The following ARMH3 variants were observed in gnomAD, a reference collection of about 807,000 sequenced individuals.
ARMH3 encodes armadillo like helical domain containing 3, also known as armadillo-like helical domain-containing protein 3.
In ARMH3, 60 loss-of-function variants were observed where a neutral mutation model predicts 99.1. That is an observed-to-expected ratio of 0.61 (90% CI 0.49 to 0.75). The LOEUF is 0.75. ARMH3 is among the 30% of genes least tolerant of loss of function. The pLI is 0.00. For synonymous variants in ARMH3, 285 were observed against 292.8 expected (o/e 0.97, Z 0.27); for missense variants, 679 against 843.1 (o/e 0.81, Z 2.41).
At chr10:101,902,397 A>C (rs1342897542) in intron 23 of ARMH3, among the ~76,000 whole-genome samples, 1 of 152,164 alleles carries the variant, frequency 6.6e-6, no homozygotes, top group East Asian at 1.9e-4. Context: ...CTGTGTCCAG[A>C]AACCGATACA....
Position 102,023,476 on chromosome 10 carries a change from C to A in ARMH3, c.669+1G>T. 1 of 1,612,682 alleles carries A rather than the reference C, an allele frequency of 6.2e-7. No individual in the cohort carries two copies. Among genetic ancestry groups the A allele is most frequent in the Non-Finnish European group, 8.5e-7 (1 of 1,178,840 alleles). On this transcript the variant is annotated splice_donor_variant, in intron 8 of 25. Transcript: ENST00000370033. LOFTEE classifies it high-confidence loss of function. Reference sequence around the variant, plus strand: ...AACTGTCCACTAAGGAGCCCAGTTACCTCATATTTTCTATAGTTCACCAGC... The same window carrying A: ...AACTGTCCACTAAGGAGCCCAGTTAACTCATATTTTCTATAGTTCACCAGC...
intron 17 of ARMH3, among the ~76,000 whole-genome samples, chr10:101,993,128 G>A (rs148521999): frequency 6.6e-6 from 1 of 151,678 alleles, no homozygotes; most frequent in African/African-American, 2.4e-5. Flanking sequence ...AAAATTAGCC[G>A]AGCGTGGTGG....
In ARMH3 at chr10:101,973,528, C is replaced by T. The variant is rs528285275; in HGVS notation, c.1495+1684G>A. Among the ~76,000 whole-genome samples the T allele has an allele frequency of 2.0e-5, 3 of 151,986 alleles. No homozygotes were observed. In the East Asian group the frequency reaches 5.8e-4, roughly 29 times the overall value. On this transcript the variant is annotated intron_variant, in intron 20 of 25. Coordinates refer to ENST00000370033, the MANE Select transcript of ARMH3 (RefSeq NM_024541.3). ...CGATTCATCAAGAGAGCAGAGGATA[C>T]AAAATGGGGATAGGAGGAGAATAAC...
chr10:101,997,590 CAAA>C (rs59674976), intron 15 of ARMH3, among the ~76,000 whole-genome samples: 1 of 112,862 alleles, frequency 8.9e-6, no homozygotes, highest in Admixed American at 9.3e-5. Flanking sequence ...GACTCCGTCT[CAAA>C]AAAAAAAAAA....
At chr10:101,955,930 C>T (rs897670442) in intron 22 of ARMH3, among the ~76,000 whole-genome samples, 2 of 152,124 alleles carry the variant, frequency 1.3e-5, no homozygotes, top group African/African-American at 2.4e-5. Context: ...TTCAATAAAG[C>T]TAATAAATTT....
At chr10:101,888,793 C>A (rs1037576788) in intron 24 of ARMH3, among the ~76,000 whole-genome samples, 1 of 152,216 alleles carries the variant, frequency 6.6e-6, no homozygotes. Flanking sequence ...TCCCATGCCA[C>A]GCTAACGCCT....
intron 24 of ARMH3, among the ~76,000 whole-genome samples, chr10:101,876,268 A>AC (rs397790474): frequency 5.3e-5 from 8 of 151,056 alleles, no homozygotes; most frequent in East Asian, 1.9e-4. Flanking sequence ...AAAAAAAAAA[A>AC]CAACTTATTT....
chr10:101,861,204 A>C (rs2066858128), intron 24 of ARMH3, among the ~76,000 whole-genome samples: 1 of 152,220 alleles, frequency 6.6e-6, no homozygotes, highest in Non-Finnish European at 1.5e-5. Flanking sequence ...CAGCTAGAGA[A>C]AAAAAGACAC....
intron 1 of ARMH3, among the ~76,000 whole-genome samples, chr10:102,054,223 TAC>T (rs1055822253): frequency 5.3e-5 from 8 of 151,684 alleles, no homozygotes; most frequent in African/African-American, 1.9e-4. Flanking sequence ...ACTCCGTCAT[TAC>T]TAAAAACACA....
intron 15 of ARMH3, among the ~76,000 whole-genome samples, chr10:102,001,166 G>A (rs1311143710): frequency 6.6e-6 from 1 of 151,946 alleles, no homozygotes; most frequent in Non-Finnish European, 1.5e-5. Context: ...CAACTAAATA[G>A]TACATTTAAA....
chr10:101,942,091 A>AC (rs1230619235), intron 22 of ARMH3, among the ~76,000 whole-genome samples: 1 of 152,184 alleles, frequency 6.6e-6, no homozygotes, highest in Non-Finnish European at 1.5e-5. Context: ...TTTCCTTTGG[A>AC]AACACCATTG....
chr10:101,900,053 T>A (rs550385030), intron 23 of ARMH3, among the ~76,000 whole-genome samples: 2 of 152,216 alleles, frequency 1.3e-5, no homozygotes, highest in Non-Finnish European at 2.9e-5. Context: ...ATTCCCCTTA[T>A]GTCTACTTTT....
chr10:102,029,390 A>T, intron 5 of ARMH3: 2 of 1,380,380 alleles, frequency 1.4e-6, no homozygotes, highest in Non-Finnish European at 1.9e-6. Flanking sequence ...ATATGATACG[A>T]GTAATAAAAT....
chr10:101,904,920 C>G lies in ARMH3; in HGVS notation c.1782-15430G>C, dbSNP rs548389412. Among the ~76,000 whole-genome samples, 3 of 149,448 alleles carry G rather than the reference C, an allele frequency of 2.0e-5. No individual in the cohort carries two copies. In the Admixed American group the frequency reaches 2.0e-4, roughly 10 times the overall value. On this transcript the variant is annotated intron_variant, in intron 23 of 25. Transcript: ENST00000370033. ...TGAGCCAAGATCACGCCACTGCACT[C>G]CAGCCTGGGGACAGAGAGAGACTCC...
chr10:101,923,033 T>C (rs930762065), intron 23 of ARMH3, among the ~76,000 whole-genome samples: 3 of 152,000 alleles, frequency 2.0e-5, no homozygotes, highest in African/African-American at 4.8e-5. Context: ...AGAAATTATA[T>C]AGAAACCAAT....
chr10:102,007,508 G>A (rs1487488431), intron 13 of ARMH3, among the ~76,000 whole-genome samples: 1 of 151,418 alleles, frequency 6.6e-6, no homozygotes, highest in Non-Finnish European at 1.5e-5. Flanking sequence ...TGAGTCAAGG[G>A]GATACCAGGT....
chr10:101,931,789 C>CT (rs1305243375), intron 23 of ARMH3, among the ~76,000 whole-genome samples: 3 of 152,050 alleles, frequency 2.0e-5, no homozygotes, highest in Non-Finnish European at 4.4e-5. Flanking sequence ...AATGTAAGGG[C>CT]TAAAACAACA....
intron 23 of ARMH3, among the ~76,000 whole-genome samples, chr10:101,907,652 G>A (rs1449180312): frequency 1.3e-5 from 2 of 152,118 alleles, no homozygotes; most frequent in Middle Eastern, 3.2e-3. Flanking sequence ...CCAAAGTGCC[G>A]GGATTACAGG....
chr10:102,002,960 CAAATAAAT>C (rs72287750), intron 14 of ARMH3, among the ~76,000 whole-genome samples: 1,601 of 136,076 alleles, frequency 0.012, 26 homozygotes, highest in African/African-American at 0.038. Context: ...GACTCTGTCA[CAAATAAAT>C]AAATAAATAA....
Sources: gnomAD v4.1 joint callset for allele counts (sites outside exome capture counted in the v4.1 genomes callset) on GRCh38, gnomAD v4.1.1 for gene constraint, MANE v1.5 for transcripts, NCBI Gene and HGNC (gene_info 2026-07-23, HGNC 2026-07-21) for gene names.